Variants in DIAPH2 observed in about 807,000 individuals in gnomAD.
DIAPH2 encodes protein diaphanous homolog 2.
DIAPH2 carries 35 observed loss-of-function variants against 92.7 expected under a neutral mutation model. The observed-to-expected ratio is 0.38, with a 90% CI of 0.29 to 0.50. The LOEUF (loss-of-function observed/expected upper bound fraction) is 0.50. Ranked by LOEUF, DIAPH2 falls within the 20% of genes least tolerant of loss-of-function variation. The probability of loss-of-function intolerance (pLI) is 0.94; values close to 1 mark genes in which losing one functional copy is unlikely to be tolerated. For missense variants in DIAPH2, 701 were observed against 819.5 expected, an observed-to-expected ratio of 0.86 and a Z score of 1.77; for synonymous variants, 301 against 280.4, an observed-to-expected ratio of 1.07 and a Z score of -0.73.
intron 24 of DIAPH2, among the ~76,000 whole-genome samples, chrX:97,367,177 TATAA>T (rs1159206056): frequency 9.0e-6 from 1 of 111,655 alleles, no homozygotes; most frequent in African/African-American, 3.3e-5. Flanking sequence ...AGAAAAACTC[TATAA>T]ATAATGGGGT....
At chrX:97,023,501 G>A (rs933569636) in intron 17 of DIAPH2, among the ~76,000 whole-genome samples, 5 of 111,500 alleles carry the variant, frequency 4.5e-5, no homozygotes, top group South Asian at 3.8e-4. Context: ...AAATCGAAGC[G>A]TAAAGAGCTT....
chrX:97,149,094 T>G (rs1210015178), intron 22 of DIAPH2, among the ~76,000 whole-genome samples: 1 of 111,992 alleles, frequency 8.9e-6, no homozygotes, highest in Non-Finnish European at 1.9e-5. Context: ...TATTGTCTGC[T>G]ATTAGTTTCA....
intron 17 of DIAPH2, among the ~76,000 whole-genome samples, chrX:96,979,150 G>A (rs1452945967): frequency 2.7e-5 from 3 of 112,115 alleles, no homozygotes; most frequent in South Asian, 3.8e-4. Context: ...ACTGATAGGG[G>A]AATTACTCAA....
At chrX:97,333,483 A>G (rs1178978710) in intron 23 of DIAPH2, among the ~76,000 whole-genome samples, 1 of 111,566 alleles carries the variant, frequency 9.0e-6, no homozygotes, top group Non-Finnish European at 1.9e-5. Flanking sequence ...GTAAAACTCA[A>G]GGGGTATTGT....
At position 97,119,062 on chromosome X, in the gene DIAPH2, AT is replaced by A. The variant is rs373805967; in HGVS notation, c.2589+4105del. ...GAATTCTTTTTCAGGTAAATCAGGG[AT>A]TTTTTTTCTTGGTTTGGATCTCTTG... On this transcript the variant is annotated intron_variant, in intron 21 of 26. Coordinates refer to ENST00000324765, the MANE Select transcript of DIAPH2 (RefSeq NM_006729.5). 3.5e-3 allele frequency among the ~76,000 whole-genome samples: 382 copies of A among 109,942 alleles called. 1 individual carries two copies. The highest frequency in any genetic ancestry group is 0.012 in the African/African-American group (370 of 30,119).
intron 26 of DIAPH2, among the ~76,000 whole-genome samples, chrX:97,506,653 A>G (rs779650554): frequency 2.4e-4 from 27 of 110,442 alleles, no homozygotes; most frequent in Admixed American, 5.8e-4. Context: ...ACTGTTTTTC[A>G]TTAAAAGTCA....
At chrX:97,409,401 C>T (rs985550897) in intron 25 of DIAPH2, among the ~76,000 whole-genome samples, 1 of 111,430 alleles carries the variant, frequency 9.0e-6, no homozygotes, top group African/African-American at 3.3e-5. Context: ...ATGTGGATTC[C>T]ATTCCAAGAT....
chrX:97,295,433 A>C (rs1569354254), intron 23 of DIAPH2, among the ~76,000 whole-genome samples: 1 of 112,141 alleles, frequency 8.9e-6, no homozygotes, highest in Non-Finnish European at 1.9e-5. Context: ...AAGTGCTTAA[A>C]TTACGACAAT....
At chrX:97,106,070 T>C (rs1227364674) in intron 20 of DIAPH2, among the ~76,000 whole-genome samples, 1 of 111,802 alleles carries the variant, frequency 8.9e-6, no homozygotes, top group Non-Finnish European at 1.9e-5. Flanking sequence ...AGCTTTTTTT[T>C]TCCTTCCACA....
At chrX:97,231,937 T>TAA (rs58068130) in intron 22 of DIAPH2, among the ~76,000 whole-genome samples, 1 of 109,329 alleles carries the variant, frequency 9.1e-6, no homozygotes, top group South Asian at 4.0e-4. Context: ...TTTATTTAGT[T>TAA]AAAAAAAATA....
intron 19 of DIAPH2, among the ~76,000 whole-genome samples, chrX:97,090,778 A>G (rs1228384010): frequency 9.0e-6 from 1 of 111,434 alleles, no homozygotes; most frequent in East Asian, 2.8e-4. Context: ...ATTAAGATTA[A>G]GAAAAGGGTC....
chrX:97,461,306 G>C (rs182592661), intron 26 of DIAPH2, among the ~76,000 whole-genome samples: 5,924 of 107,420 alleles, frequency 0.055, 130 homozygotes, highest in African/African-American at 0.099. Flanking sequence ...ACACACACAA[G>C]AGTAAATGTT....
rs1243209555 is a variant in DIAPH2 at position 97,599,666 on chromosome X, T to TAAG, written c.*350_*352dup. On this transcript the variant is annotated 3_prime_UTR_variant, in exon 27 of 27. Coordinates refer to ENST00000324765, the MANE Select transcript of DIAPH2 (RefSeq NM_006729.5). ...TCAAAAATTTAAAATCTTAAATGTG[T>TAAG]AAGTCACCCCCACCAAAAACAAAAG... is the stretch of plus-strand genomic sequence containing the variant. 9.5e-6 allele frequency: 1 copy of TAAG among 104,957 alleles called. No homozygotes were observed. The highest frequency in any genetic ancestry group is 1.8e-5 in the Non-Finnish European group (1 of 55,344). 8.6% of individuals were successfully genotyped at this position (104,957 alleles called of 1,213,427 possible). A position where few individuals can be genotyped will look rare whatever the true frequency, so the allele number is the denominator to read the frequency against.
intron 23 of DIAPH2, among the ~76,000 whole-genome samples, chrX:97,317,266 G>A (rs1415358284): frequency 9.0e-6 from 1 of 111,586 alleles, no homozygotes; most frequent in African/African-American, 3.3e-5. Context: ...TGGTTCTTAT[G>A]ATTAACTTCC....
intron 5 of DIAPH2, among the ~76,000 whole-genome samples, chrX:96,883,216 T>G (rs988446758): frequency 2.7e-5 from 3 of 110,609 alleles, no homozygotes; most frequent in African/African-American, 9.8e-5. Flanking sequence ...AATTACTTAT[T>G]TATAGTGCAC....
At chrX:96,796,618 G>T (rs1394908148) in intron 4 of DIAPH2, among the ~76,000 whole-genome samples, 1 of 110,665 alleles carries the variant, frequency 9.0e-6, no homozygotes, top group Non-Finnish European at 1.9e-5. Flanking sequence ...AGTTTTCAGT[G>T]GTTACTATAG....
intron 23 of DIAPH2, among the ~76,000 whole-genome samples, chrX:97,329,981 G>A (rs145394250): frequency 0.013 from 1,388 of 104,159 alleles, 23 homozygotes; most frequent in African/African-American, 0.047. Flanking sequence ...TTTGTATAAT[G>A]AATTGCCTAG....
chrX:96,892,029 T>C (rs2065310617), intron 5 of DIAPH2, among the ~76,000 whole-genome samples: 1 of 112,382 alleles, frequency 8.9e-6, no homozygotes, highest in African/African-American at 3.2e-5. Flanking sequence ...ATAATCATAA[T>C]GAAAATAGAT....
At chrX:96,885,199 C>A in intron 5 of DIAPH2, 2 of 676,382 alleles carry the variant, frequency 3.0e-6, no homozygotes, top group Non-Finnish European at 4.4e-6. Context: ...AAAAAAATCT[C>A]AAGTGGCATT....
Sources: allele counts gnomAD v4.1 joint callset (sites outside exome capture counted in the v4.1 genomes callset), GRCh38; gene constraint gnomAD v4.1.1; transcripts MANE v1.5; gene names NCBI Gene and HGNC (gene_info 2026-07-23, HGNC 2026-07-21).